VPS13C: variants seen among roughly 807,000 people sequenced by gnomAD.
VPS13C encodes the protein intermembrane lipid transfer protein VPS13C.
VPS13C carries 358 observed loss-of-function variants against 456.8 expected under a neutral mutation model. The observed-to-expected ratio is 0.78, with a 90% CI of 0.72 to 0.86. The LOEUF (loss-of-function observed/expected upper bound fraction) is 0.86, where lower values mean the gene tolerates loss of function less well. Among genes scored for constraint, VPS13C ranks in the 40% least tolerant of loss-of-function variants. The pLI is 0.00. For synonymous variants in VPS13C, 1,578 were observed against 1,486.7 expected, an observed-to-expected ratio of 1.06 and a Z score of -1.41; for missense variants, 4,818 against 4,385.4, an observed-to-expected ratio of 1.10 and a Z score of -2.79.
At chr15:62,020,098 A>G (rs11071649) in intron 9 of VPS13C, among the ~76,000 whole-genome samples, 58,424 of 148,470 alleles carry the variant, frequency 0.39, 12,814 homozygotes, top group Admixed American at 0.51. Flanking sequence ...GAGTGTGCGC[A>G]CACACACACA....
chr15:61,976,319 T>C (rs1189815551), intron 24 of VPS13C, among the ~76,000 whole-genome samples: 1 of 152,014 alleles, frequency 6.6e-6, no homozygotes, highest in African/African-American at 2.4e-5. Flanking sequence ...AGGGTATCAA[T>C]AAACTGATAC....
chr15:61,906,652 C>G (rs1417675948), intron 66 of VPS13C: 3 of 153,008 alleles, frequency 2.0e-5, no homozygotes, highest in Non-Finnish European at 4.4e-5. Context: ...TAAACTCTTT[C>G]ATCATGGATT....
intron 18 of VPS13C, among the ~76,000 whole-genome samples, chr15:61,987,212 TAA>T (rs34766963): frequency 2.9e-5 from 4 of 138,796 alleles, no homozygotes; most frequent in Non-Finnish European, 1.6e-5. Flanking sequence ...AAAACACTCT[TAA>T]AAAAAAAAAA....
At chr15:61,856,916 G>A (rs1893948748) in intron 82 of VPS13C, 1 of 153,728 alleles carries the variant, frequency 6.5e-6, no homozygotes, top group Non-Finnish European at 1.4e-5. Flanking sequence ...ATGTCAGCAA[G>A]GATTCACTTG....
chr15:62,016,841 C>T (rs997611406), intron 9 of VPS13C, among the ~76,000 whole-genome samples: 5 of 152,130 alleles, frequency 3.3e-5, no homozygotes, highest in Non-Finnish European at 7.4e-5. Context: ...CCTGAGGAAT[C>T]GCCACACTGT....
At chr15:62,014,304 A>C (rs2047150966) in intron 9 of VPS13C, among the ~76,000 whole-genome samples, 1 of 152,152 alleles carries the variant, frequency 6.6e-6, no homozygotes, top group South Asian at 2.1e-4. Flanking sequence ...TGAATATGGT[A>C]TACATTCTTT....
chr15:61,927,068 T>A, intron 52 of VPS13C, 23 bp downstream of exon 52: 1 of 1,602,142 alleles, frequency 6.2e-7, no homozygotes, highest in Non-Finnish European at 8.5e-7. Context: ...CAACCCAAGA[T>A]TAGGACACAA....
intron 12 of VPS13C, among the ~76,000 whole-genome samples, chr15:62,011,403 A>G (rs533483097): frequency 6.6e-6 from 1 of 152,206 alleles, no homozygotes; most frequent in South Asian, 2.1e-4. Context: ...AAGTTTTATC[A>G]TCAAAAAATG....
At chr15:61,959,630 T>C (rs1424516606) in intron 35 of VPS13C, 35 bp from the exon 36 acceptor site, 2 of 1,589,924 alleles carry the variant, frequency 1.3e-6, no homozygotes, top group Non-Finnish European at 1.7e-6. Context: ...AATGCATAGA[T>C]ATAGGGTAGA....
At chr15:62,024,313 C>T (rs1292193673) in intron 6 of VPS13C, among the ~76,000 whole-genome samples, 1 of 152,028 alleles carries the variant, frequency 6.6e-6, no homozygotes, top group Non-Finnish European at 1.5e-5. Flanking sequence ...GGATGATACA[C>T]TTCACAAGCA....
In VPS13C at chr15:61,946,309, T is replaced by C; in HGVS notation, c.4978A>G (p.Lys1660Glu). The C allele has an allele frequency of 6.3e-7, 1 of 1,580,014 alleles. No homozygotes were observed. The highest frequency in any genetic ancestry group is 8.6e-7 in the Non-Finnish European group (1 of 1,168,972). The part of the protein sequence containing the change: ...MNVDLQSIHK[K>E]AVSILGDEVF... Reference sequence around the variant, plus strand: ...ATAAAAATCTATTTTTTAATCACCTTTTTGTGAATGGACTGCAAATCTACA... The same window carrying C: ...ATAAAAATCTATTTTTTAATCACCTCTTTGTGAATGGACTGCAAATCTACA... Residue 1660 changes from lysine (K) to glutamate (E), a missense_variant and splice_region_variant, in exon 44 of 85, where the codon AAG becomes GAG. Physicochemically the swap from Lys to Glu is moderately conservative, Grantham distance 56 (BLOSUM62 1). Coordinates refer to ENST00000644861, the MANE Select transcript of VPS13C (RefSeq NM_020821.3).
At chr15:62,005,684 A>T (rs1328464219) in intron 15 of VPS13C, among the ~76,000 whole-genome samples, 5 of 149,816 alleles carry the variant, frequency 3.3e-5, no homozygotes, top group African/African-American at 1.2e-4. Flanking sequence ...TTTAGTGCTT[A>T]TTTTTTTTAT....
chr15:61,930,995 C>A, intron 50 of VPS13C, 95 bp downstream of exon 50: 1 of 1,436,874 alleles, frequency 7.0e-7, no homozygotes, highest in South Asian at 1.2e-5. Context: ...AGACAGAGAT[C>A]TTTTTTGGAT....
At chr15:62,006,601 A>C (rs539428654) in intron 15 of VPS13C, among the ~76,000 whole-genome samples, 7 of 152,288 alleles carry the variant, frequency 4.6e-5, no homozygotes, top group Non-Finnish European at 7.4e-5. Context: ...GTGATTTATA[A>C]TCCTTTGGGT....
intron 16 of VPS13C, 148 bp downstream of exon 16, chr15:62,000,415 GC>G (rs1448929760): frequency 1.5e-6 from 1 of 661,848 alleles, no homozygotes; most frequent in Non-Finnish European, 2.5e-6. Flanking sequence ...CATATTAGTG[GC>G]TTTTTTTCAG....
chr15:61,894,992 T>C (rs2042764453), intron 66 of VPS13C, among the ~76,000 whole-genome samples: 1 of 151,958 alleles, frequency 6.6e-6, no homozygotes, highest in Non-Finnish European at 1.5e-5. Context: ...TCTCAAAAAA[T>C]TCAAAAAAGT....
At chr15:61,937,105 A>G (rs2044251602) in intron 47 of VPS13C, among the ~76,000 whole-genome samples, 1 of 151,434 alleles carries the variant, frequency 6.6e-6, no homozygotes. Flanking sequence ...TCCTTCTTCT[A>G]TATTATTTAC....
chr15:61,973,813 TTCTG>T (rs1407066167), intron 25 of VPS13C, among the ~76,000 whole-genome samples: 6 of 152,140 alleles, frequency 3.9e-5, no homozygotes, highest in East Asian at 1.9e-4. Flanking sequence ...ATCATTTACA[TTCTG>T]TCTATTACAA....
chr15:62,034,029 A>G (rs1328484031), intron 4 of VPS13C, among the ~76,000 whole-genome samples: 1 of 151,684 alleles, frequency 6.6e-6, no homozygotes, highest in Non-Finnish European at 1.5e-5. Context: ...ATCTAAGGAA[A>G]TAACACAAAA....
Sources: gnomAD v4.1 joint callset for allele counts (sites outside exome capture counted in the v4.1 genomes callset) on GRCh38, gnomAD v4.1.1 for gene constraint, MANE v1.5 for transcripts, NCBI Gene and HGNC (gene_info 2026-07-23, HGNC 2026-07-21) for gene names.